The following C10orf90 variants were observed in gnomAD, a reference collection of about 807,000 sequenced individuals.
The protein encoded by C10orf90 is (E2-independent) E3 ubiquitin-conjugating enzyme FATS.
A neutral mutation model predicts 62.5 loss-of-function variants in C10orf90; 56 were observed. The ratio of observed to expected loss-of-function variants is 0.90; its 90% CI spans 0.72 to 1.12. The LOEUF (loss-of-function observed/expected upper bound fraction) is 1.12. Ranked by LOEUF, C10orf90 falls within the 50% of genes most tolerant of loss-of-function variation. The pLI is 0.00. For missense variants in C10orf90, 970 were observed against 880.4 expected, an observed-to-expected ratio of 1.10 and a Z score of -1.29; for synonymous variants, 386 against 340.4, an observed-to-expected ratio of 1.13 and a Z score of -1.47.
At chr10:126,525,305 G>C (rs1863904118) in intron 2 of C10orf90, among the ~76,000 whole-genome samples, 1 of 152,216 alleles carries the variant, frequency 6.6e-6, no homozygotes, top group Non-Finnish European at 1.5e-5. Context: ...CAAAGAATTT[G>C]TCACCTCAGA....
intron 2 of C10orf90, among the ~76,000 whole-genome samples, chr10:126,622,652 A>G (rs1258263134): frequency 6.6e-6 from 1 of 152,126 alleles, no homozygotes; most frequent in Non-Finnish European, 1.5e-5. Context: ...ACTCTTCCCA[A>G]TGACTCTAGC....
At chr10:126,544,566 G>A (rs61865907) in intron 2 of C10orf90, among the ~76,000 whole-genome samples, 38,271 of 151,192 alleles carry the variant, frequency 0.25, 4,963 homozygotes, top group Middle Eastern at 0.39. Context: ...CCTTTCCATC[G>A]AAAGTTAACA....
In C10orf90 at chr10:126,529,925, G is replaced by T. The variant is rs184192412; in HGVS notation, c.314-15986C>A. 1.6e-4 allele frequency among the ~76,000 whole-genome samples: 25 copies of T among 152,192 alleles called. 1 individual carries two copies. The East Asian group carries it at 4.8e-3, about 29-fold the overall frequency. On this transcript the variant is annotated intron_variant, in intron 2 of 9. Coordinates refer to ENST00000488181, the MANE Select transcript of C10orf90 (RefSeq NM_001350921.2). ...ATGTATCATCAAGGAATAAAAAGCT[G>T]CTAATTATACTCTAAGATGTCATTA...
intron 2 of C10orf90, among the ~76,000 whole-genome samples, chr10:126,528,057 C>G (rs193022744): frequency 2.6e-5 from 4 of 152,306 alleles, no homozygotes; most frequent in Admixed American, 2.0e-4. Flanking sequence ...GGAAGTTTCA[C>G]TAATGAACTT....
chr10:126,633,991 G>A (rs548914781), intron 2 of C10orf90, among the ~76,000 whole-genome samples: 9 of 152,316 alleles, frequency 5.9e-5, no homozygotes, highest in South Asian at 4.1e-4. Context: ...AAGTTTTGGC[G>A]AAGAAGCAGA....
intron 2 of C10orf90, among the ~76,000 whole-genome samples, chr10:126,586,390 G>A (rs1844870219): frequency 6.6e-6 from 1 of 152,198 alleles, no homozygotes. Context: ...CAAGACGGAG[G>A]TGGCCCCAAG....
In C10orf90 at chr10:126,496,025, C is replaced by T. The variant is rs530979524; in HGVS notation, c.1534+7932G>A. Among the ~76,000 whole-genome samples, 11 of 152,306 alleles carry T rather than the reference C, an allele frequency of 7.2e-5. No homozygotes were observed. The South Asian group carries it at 1.2e-3, about 17-fold the overall frequency. ...CTCAGATGGGCCCCATTCCCAAGCC[C>T]GTGGTGCTTCTTCTAGGTTACCCTG... is the stretch of plus-strand genomic sequence containing the variant. On this transcript the variant is annotated intron_variant, in intron 4 of 9. Transcript: ENST00000488181.
intron 7 of C10orf90, among the ~76,000 whole-genome samples, chr10:126,452,687 C>A (rs1420707780): frequency 2.6e-5 from 4 of 152,082 alleles, no homozygotes; most frequent in Non-Finnish European, 4.4e-5. Flanking sequence ...CTTTTCTTCC[C>A]AAGTATCTTA....
chr10:126,506,756 T>A (rs990282340), intron 3 of C10orf90, among the ~76,000 whole-genome samples: 1 of 152,180 alleles, frequency 6.6e-6, no homozygotes. Context: ...AGGGCCTATG[T>A]GTGTTGGAAG....
chr10:126,496,053 A>G (rs1862036486), intron 4 of C10orf90, among the ~76,000 whole-genome samples: 1 of 152,146 alleles, frequency 6.6e-6, no homozygotes, highest in South Asian at 2.1e-4. Flanking sequence ...TTACCCTGTT[A>G]CCCACTGTTA....
At chr10:126,549,936 T>C (rs1864591583) in intron 2 of C10orf90, among the ~76,000 whole-genome samples, 1 of 150,606 alleles carries the variant, frequency 6.6e-6, no homozygotes. Context: ...TGCTACATGC[T>C]ATACAATTCT....
intron 4 of C10orf90, among the ~76,000 whole-genome samples, chr10:126,490,070 TATATA>T (rs1466796145): frequency 3.5e-5 from 4 of 115,148 alleles, no homozygotes; most frequent in Admixed American, 1.1e-4. Context: ...TAATATATAA[TATATA>T]ATATAATAAT....
Position 126,470,856 on chromosome 10 carries a change from G to A in C10orf90, c.1535-5870C>T, listed in dbSNP as rs1290105293. Among the ~76,000 whole-genome samples, 3 of 145,506 alleles carry A rather than the reference G, an allele frequency of 2.1e-5. 1 individual carries two copies. The highest frequency in any genetic ancestry group is 4.5e-5 in the Non-Finnish European group (3 of 65,974). On this transcript the variant is annotated intron_variant, in intron 4 of 9. Transcript: ENST00000488181. ...GCCTATTAGATGGACAAGACTGGTAGATATTTTCTCTGCTTTTTTTTCTGG... is the reference window on the plus strand; with the variant it reads ...GCCTATTAGATGGACAAGACTGGTAAATATTTTCTCTGCTTTTTTTTCTGG...
chr10:126,478,056 G>A (rs1403027992), intron 4 of C10orf90, among the ~76,000 whole-genome samples: 1 of 152,070 alleles, frequency 6.6e-6, no homozygotes, highest in African/African-American at 2.4e-5. Context: ...TGAGAAAGAC[G>A]AAAGGCATTG....
chr10:126,592,237 C>A lies in C10orf90; in HGVS notation c.313+54328G>T, dbSNP rs548659512. Among the ~76,000 whole-genome samples, 269 of 152,152 alleles carry A rather than the reference C, an allele frequency of 1.8e-3. 2 individuals carry two copies. Among genetic ancestry groups the A allele is most frequent in the African/African-American group, 6.3e-3 (260 of 41,522 alleles). On this transcript the variant is annotated intron_variant, in intron 2 of 9. Coordinates refer to ENST00000488181, the MANE Select transcript of C10orf90 (RefSeq NM_001350921.2). ...GGAAACAAAAAAGAGCCCAAATAGC[C>A]AAGACAATTCTAAGCAAAAAGAAAA...
In C10orf90 at chr10:126,425,645, T is replaced by A. The variant is rs1857219565; in HGVS notation, c.*219A>T. 3.5e-6 allele frequency: 2 copies of A among 572,746 alleles called. No individual in the cohort carries two copies. Among genetic ancestry groups the A allele is most frequent in the Non-Finnish European group, 6.1e-6 (2 of 328,582 alleles). The allele number at this position is 572,746 out of a possible 1,614,324, so 35.5% of individuals were successfully genotyped here. A position where few individuals can be genotyped will look rare whatever the true frequency, so the allele number is the denominator to read the frequency against. On this transcript the variant is annotated 3_prime_UTR_variant, in exon 10 of 10. Transcript: ENST00000488181. ...TATCCAGTGGGTTACATGGAGGTGG[T>A]TTCCCCACAACAGATTGTTGACCTA... is the stretch of plus-strand genomic sequence containing the variant.
chr10:126,518,088 G>A (rs1863540004), intron 2 of C10orf90, among the ~76,000 whole-genome samples: 2 of 151,198 alleles, frequency 1.3e-5, no homozygotes, highest in South Asian at 4.2e-4. Flanking sequence ...GAGCAGCCCA[G>A]CCCCACTGCC....
intron 2 of C10orf90, among the ~76,000 whole-genome samples, chr10:126,548,185 CA>C (rs932814691): frequency 2.2e-4 from 33 of 152,146 alleles, no homozygotes; most frequent in African/African-American, 7.7e-4. Context: ...TAGATATAGA[CA>C]AGATGCTTTA....
At chr10:126,530,852 A>G (rs1419608571) in intron 2 of C10orf90, among the ~76,000 whole-genome samples, 1 of 152,168 alleles carries the variant, frequency 6.6e-6, no homozygotes, top group East Asian at 1.9e-4. Flanking sequence ...AAAAAAAGCA[A>G]AAGAGAGAGG....
Sources: allele counts gnomAD v4.1 joint callset (sites outside exome capture counted in the v4.1 genomes callset), GRCh38; gene constraint gnomAD v4.1.1; transcripts MANE v1.5; gene names NCBI Gene and HGNC (gene_info 2026-07-23, HGNC 2026-07-21).